Variants in FRMD4A observed in about 807,000 individuals in gnomAD.
FRMD4A encodes FERM domain containing 4A.
FRMD4A carries 29 observed loss-of-function variants against 129.1 expected under a neutral mutation model. The observed-to-expected ratio is 0.22, with a 90% CI of 0.17 to 0.31. The LOEUF (loss-of-function observed/expected upper bound fraction) is 0.31, where lower values mean the gene tolerates loss of function less well. FRMD4A is among the 10% of genes least tolerant of loss of function. The pLI is 1.00. For missense variants in FRMD4A, 1,272 were observed against 1,375.8 expected, an observed-to-expected ratio of 0.92 and a Z score of 1.19; for synonymous variants, 634 against 571.6, an observed-to-expected ratio of 1.11 and a Z score of -1.56.
chr10:14,308,731 C>A (rs1041337), intron 2 of FRMD4A, among the ~76,000 whole-genome samples: 86,444 of 152,044 alleles, frequency 0.57, 26,864 homozygotes, highest in African/African-American at 0.84. Flanking sequence ...AAAACAATGT[C>A]CTGATACCCT....
intron 2 of FRMD4A, among the ~76,000 whole-genome samples, chr10:14,040,638 G>A (rs1833742895): frequency 6.6e-6 from 1 of 152,184 alleles, no homozygotes; most frequent in African/African-American, 2.4e-5. Flanking sequence ...CATGGTGCCT[G>A]CGACCAGAAT....
At chr10:13,913,255 A>C (rs1014803994) in intron 2 of FRMD4A, among the ~76,000 whole-genome samples, 45 of 152,096 alleles carry the variant, frequency 3.0e-4, no homozygotes, top group African/African-American at 1.0e-3. Context: ...AGAAAAAGTA[A>C]ATCAGTATTT....
intron 2 of FRMD4A, among the ~76,000 whole-genome samples, chr10:14,039,383 C>T (rs7091351): frequency 0.026 from 3,006 of 113,522 alleles, 50 homozygotes; most frequent in African/African-American, 0.079. Flanking sequence ...TCCATCCATC[C>T]ATCCATCCAT....
intron 2 of FRMD4A, among the ~76,000 whole-genome samples, chr10:13,983,162 T>A (rs1161587585): frequency 1.3e-5 from 2 of 152,194 alleles, no homozygotes; most frequent in African/African-American, 4.8e-5. Flanking sequence ...GGTTTCACCA[T>A]GTCGGCCAGG....
intron 22 of FRMD4A, 29 bp downstream of exon 22, chr10:13,656,607 C>T (rs540835461): frequency 2.2e-6 from 3 of 1,371,408 alleles, no homozygotes; most frequent in South Asian, 2.0e-5. Flanking sequence ...CTCAGGTCTT[C>T]CCGCGTGCAC....
chr10:14,077,142 G>C (rs1158593157), intron 2 of FRMD4A, among the ~76,000 whole-genome samples: 2 of 152,196 alleles, frequency 1.3e-5, no homozygotes, highest in Non-Finnish European at 2.9e-5. Context: ...AGAAATCCCA[G>C]ATTGTGTGAC....
At chr10:14,234,951 A>C (rs1468480382) in intron 2 of FRMD4A, among the ~76,000 whole-genome samples, 1 of 152,136 alleles carries the variant, frequency 6.6e-6, no homozygotes, top group Admixed American at 6.5e-5. Context: ...TCTGACTTTC[A>C]AGTATTTATC....
chr10:14,160,717 A>C (rs1840840798), intron 2 of FRMD4A, among the ~76,000 whole-genome samples: 1 of 152,228 alleles, frequency 6.6e-6, no homozygotes, highest in South Asian at 2.1e-4. Context: ...ATCATCAGGG[A>C]AATGCCAATC....
intron 2 of FRMD4A, among the ~76,000 whole-genome samples, chr10:14,237,995 G>A (rs75417527): frequency 6.6e-6 from 1 of 152,116 alleles, no homozygotes; most frequent in Non-Finnish European, 1.5e-5. Flanking sequence ...GCATTCATGG[G>A]ACCCCTCCCA....
At chr10:14,185,275 C>A (rs1729347298) in intron 2 of FRMD4A, among the ~76,000 whole-genome samples, 1 of 152,088 alleles carries the variant, frequency 6.6e-6, no homozygotes, top group Non-Finnish European at 1.5e-5. Flanking sequence ...AAGACTCTTG[C>A]TTCCTGAGAG....
intron 2 of FRMD4A, among the ~76,000 whole-genome samples, chr10:14,099,626 G>A (rs1837194393): frequency 6.6e-6 from 1 of 152,162 alleles, no homozygotes. Flanking sequence ...ATAAAAAAAA[G>A]CATGTGTAAG....
At chr10:13,666,466 A>G (rs904421829) in intron 17 of FRMD4A, 141 bp from the exon 18 acceptor site, 4 of 629,624 alleles carry the variant, frequency 6.4e-6, no homozygotes, top group African/African-American at 5.5e-5. Context: ...ATCTGCACCC[A>G]CTGAAGTCCC....
intron 2 of FRMD4A, among the ~76,000 whole-genome samples, chr10:14,017,608 C>T (rs764953133): frequency 6.6e-6 from 1 of 152,162 alleles, no homozygotes; most frequent in Non-Finnish European, 1.5e-5. Context: ...AGAAATTTAA[C>T]AAGCAATTTT....
intron 2 of FRMD4A, among the ~76,000 whole-genome samples, chr10:13,905,150 C>T (rs1052496887): frequency 6.6e-6 from 1 of 152,112 alleles, no homozygotes; most frequent in Non-Finnish European, 1.5e-5. Flanking sequence ...CTGGCCCCAA[C>T]AATAAAGCCC....
At chr10:13,799,363 GC>G (rs1266119681) in intron 4 of FRMD4A, among the ~76,000 whole-genome samples, 3 of 152,110 alleles carry the variant, frequency 2.0e-5, no homozygotes, top group Non-Finnish European at 4.4e-5. Flanking sequence ...TCACCGTGTT[GC>G]CCAGGCTGGT....
At position 13,646,474 on chromosome 10, in the gene FRMD4A, ATGC is replaced by A. The variant is rs1168359507; in HGVS notation, c.*561_*563del. On this transcript the variant is annotated 3_prime_UTR_variant, in exon 25 of 25. Transcript: ENST00000357447. ...GGAATATTTCAGGTGTAAACTGAAT[ATGC>A]CACGAGGCCTCCTCTTCATGAAGTG... 2 of 152,320 alleles carry A rather than the reference ATGC, an allele frequency of 1.3e-5. No individual in the cohort carries two copies. Among genetic ancestry groups the A allele is most frequent in the African/African-American group, 4.8e-5 (2 of 41,442 alleles). 9.4% of individuals were successfully genotyped at this position (152,320 alleles called of 1,614,324 possible).
intron 2 of FRMD4A, among the ~76,000 whole-genome samples, chr10:14,171,979 C>T (rs1052244592): frequency 2.0e-5 from 3 of 152,158 alleles, no homozygotes; most frequent in African/African-American, 4.8e-5. Flanking sequence ...TTAAAAATAT[C>T]GCTGGGTAAT....
At chr10:14,063,363 C>T (rs180880955) in intron 2 of FRMD4A, among the ~76,000 whole-genome samples, 5 of 152,068 alleles carry the variant, frequency 3.3e-5, no homozygotes, top group East Asian at 1.9e-4. Context: ...TTTGGCTCAT[C>T]GAAATGAGCC....
intron 2 of FRMD4A, among the ~76,000 whole-genome samples, chr10:14,249,185 T>C (rs1183880841): frequency 6.6e-6 from 1 of 151,926 alleles, no homozygotes; most frequent in Non-Finnish European, 1.5e-5. Flanking sequence ...ATGTCATCTC[T>C]ACTAAAAAAT....
Sources: allele counts gnomAD v4.1 joint callset (sites outside exome capture counted in the v4.1 genomes callset), GRCh38; gene constraint gnomAD v4.1.1; transcripts MANE v1.5; gene names NCBI Gene and HGNC (gene_info 2026-07-23, HGNC 2026-07-21).